The following CNTN5 variants were observed in gnomAD, a reference collection of about 807,000 sequenced individuals.
CNTN5 encodes contactin 5, also known as contactin-5.
In CNTN5, 77 loss-of-function variants were observed where a neutral mutation model predicts 129.1. The ratio of observed to expected loss-of-function variants is 0.60; its 90% CI spans 0.50 to 0.72. The LOEUF is 0.72. Ranked by LOEUF, CNTN5 falls within the 30% of genes least tolerant of loss-of-function variation. The pLI is 0.00. For synonymous variants in CNTN5, 509 were observed against 465.6 expected, an observed-to-expected ratio of 1.09 and a Z score of -1.20; for missense variants, 1,478 against 1,328.8, an observed-to-expected ratio of 1.11 and a Z score of -1.75.
chr11:100,108,162 G>C (rs1030028745), intron 13 of CNTN5, among the ~76,000 whole-genome samples: 1 of 151,954 alleles, frequency 6.6e-6, no homozygotes, highest in Non-Finnish European at 1.5e-5. Flanking sequence ...AACGGCACCT[G>C]ATCTTATAGA....
At chr11:99,175,670 C>T (rs902399489) in intron 1 of CNTN5, among the ~76,000 whole-genome samples, 14 of 151,928 alleles carry the variant, frequency 9.2e-5, no homozygotes, top group Non-Finnish European at 1.5e-4. Flanking sequence ...CTTGGAAACC[C>T]CAGAAAAACT....
intron 3 of CNTN5, among the ~76,000 whole-genome samples, chr11:99,625,915 T>C (rs932759688): frequency 3.9e-5 from 2 of 51,276 alleles, no homozygotes; most frequent in Admixed American, 6.2e-4. Context: ...TATATATATA[T>C]ATATATATAC....
intron 17 of CNTN5, among the ~76,000 whole-genome samples, chr11:100,256,693 A>T (rs1950077353): frequency 6.6e-6 from 1 of 152,072 alleles, no homozygotes; most frequent in South Asian, 2.1e-4. Context: ...CAGGAAGCAT[A>T]GGGGGTCGGA....
chr11:100,032,687 T>A (rs1299597939), intron 9 of CNTN5, among the ~76,000 whole-genome samples: 1 of 152,102 alleles, frequency 6.6e-6, no homozygotes, highest in African/African-American at 2.4e-5. Flanking sequence ...TTTTAAACAC[T>A]CAATCTGTTT....
intron 17 of CNTN5, among the ~76,000 whole-genome samples, chr11:100,267,182 T>G (rs1429137969): frequency 6.6e-6 from 1 of 151,024 alleles, no homozygotes; most frequent in Admixed American, 6.6e-5. Context: ...CAACAGAAAT[T>G]TACTTTATTA....
intron 2 of CNTN5, among the ~76,000 whole-genome samples, chr11:99,385,268 G>C (rs1015971437): frequency 4.6e-5 from 7 of 151,926 alleles, no homozygotes; most frequent in Admixed American, 4.6e-4. Flanking sequence ...CTGAAACCTT[G>C]CATCTTTTGA....
At chr11:99,895,176 A>G (rs1192255127) in intron 6 of CNTN5, among the ~76,000 whole-genome samples, 2 of 152,214 alleles carry the variant, frequency 1.3e-5, no homozygotes, top group Non-Finnish European at 2.9e-5. Context: ...CAGTGTCAGT[A>G]CTAGGCATCC....
At chr11:99,038,878 C>T (rs1303826896) in intron 1 of CNTN5, among the ~76,000 whole-genome samples, 1 of 151,936 alleles carries the variant, frequency 6.6e-6, no homozygotes, top group Non-Finnish European at 1.5e-5. Flanking sequence ...GACTTCACCA[C>T]TGAACCAAAG....
rs184277027 is a variant in CNTN5 at position 99,209,028 on chromosome 11, A to T, written c.-209-116318A>T. 1.6e-3 allele frequency among the ~76,000 whole-genome samples: 244 copies of T among 152,294 alleles called. 7 individuals are homozygous for T. The highest frequency in any genetic ancestry group is 0.014 in the Admixed American group (214 of 15,290). ...ATTTTAATAATGTTGCAAATATAAA[A>T]TCTATTTTAATAATGTTGCAAATAT... On this transcript the variant is annotated intron_variant, in intron 1 of 24. Coordinates refer to ENST00000524871, the MANE Select transcript of CNTN5 (RefSeq NM_014361.4).
intron 6 of CNTN5, among the ~76,000 whole-genome samples, chr11:99,886,146 C>T (rs940046583): frequency 1.3e-5 from 2 of 151,888 alleles, no homozygotes; most frequent in South Asian, 2.1e-4. Flanking sequence ...ATAGAAATAT[C>T]TTTATGATCT....
chr11:99,675,145 C>T (rs1953220288), intron 3 of CNTN5, among the ~76,000 whole-genome samples: 1 of 152,118 alleles, frequency 6.6e-6, no homozygotes, highest in South Asian at 2.1e-4. Context: ...AACATTGCTT[C>T]ATGTCCTAAA....
At chr11:99,424,427 C>T (rs966511598) in intron 2 of CNTN5, among the ~76,000 whole-genome samples, 32 of 152,224 alleles carry the variant, frequency 2.1e-4, no homozygotes, top group African/African-American at 6.0e-4. Context: ...CTCAACCTCA[C>T]GCCTGCGAAG....
At chr11:100,030,870 G>A (rs1941671883) in intron 9 of CNTN5, among the ~76,000 whole-genome samples, 1 of 152,170 alleles carries the variant, frequency 6.6e-6, no homozygotes, top group Admixed American at 6.5e-5. Flanking sequence ...TATAGTGATA[G>A]AATCTAAGAA....
intron 13 of CNTN5, among the ~76,000 whole-genome samples, chr11:100,132,114 G>T (rs189400665): frequency 2.8e-4 from 43 of 152,142 alleles, no homozygotes; most frequent in African/African-American, 8.4e-4. Flanking sequence ...AGCCAATTTG[G>T]CTTCCTTCAA....
chr11:99,843,221 A>AAAAC (rs746668096), intron 4 of CNTN5, among the ~76,000 whole-genome samples: 1 of 152,180 alleles, frequency 6.6e-6, no homozygotes, highest in Admixed American at 6.5e-5. Flanking sequence ...GACTCTCTCA[A>AAAAC]AAACAAACAA....
chr11:99,091,565 A>G (rs996264357), intron 1 of CNTN5, among the ~76,000 whole-genome samples: 2 of 152,214 alleles, frequency 1.3e-5, no homozygotes, highest in African/African-American at 4.8e-5. Flanking sequence ...AGCTGGAATC[A>G]TAGTGAGGCT....
intron 17 of CNTN5, among the ~76,000 whole-genome samples, chr11:100,260,704 A>T (rs1950177127): frequency 6.6e-6 from 1 of 152,222 alleles, no homozygotes; most frequent in South Asian, 2.1e-4. Flanking sequence ...CCACATGATT[A>T]TCTCAATATA....
chr11:99,427,965 T>C (rs1367652065), intron 2 of CNTN5, among the ~76,000 whole-genome samples: 3 of 151,974 alleles, frequency 2.0e-5, no homozygotes, highest in Non-Finnish European at 4.4e-5. Context: ...GTAAAACTTT[T>C]CCATACATTT....
chr11:100,260,891 A>G (rs1322659756), intron 17 of CNTN5, among the ~76,000 whole-genome samples: 2 of 152,318 alleles, frequency 1.3e-5, no homozygotes, highest in African/African-American at 4.8e-5. Flanking sequence ...GGCACAAGAC[A>G]AGGATGCCCT....
Sources: gnomAD v4.1 joint callset for allele counts (sites outside exome capture counted in the v4.1 genomes callset) on GRCh38, gnomAD v4.1.1 for gene constraint, MANE v1.5 for transcripts, NCBI Gene and HGNC (gene_info 2026-07-23, HGNC 2026-07-21) for gene names.